TEX11: variants seen among roughly 807,000 people sequenced by gnomAD.
TEX11 encodes testis expressed 11, also known as testis-expressed protein 11.
Under a neutral mutation model 84.4 loss-of-function variants are expected in TEX11, and 7 were observed. The ratio of observed to expected loss-of-function variants is 0.08; its 90% CI spans 0.05 to 0.16. The LOEUF (loss-of-function observed/expected upper bound fraction) is 0.16, where lower values mean the gene tolerates loss of function less well. Ranked by LOEUF, TEX11 falls within the 10% of genes least tolerant of loss-of-function variation. The probability of loss-of-function intolerance (pLI) is 1.00; values close to 1 mark genes in which losing one functional copy is unlikely to be tolerated. For synonymous variants in TEX11, 264 were observed against 222.8 expected, an observed-to-expected ratio of 1.18 and a Z score of -1.64; for missense variants, 551 against 660.5, an observed-to-expected ratio of 0.83 and a Z score of 1.82.
At chrX:70,573,594 C>G (rs2088634497) in intron 25 of TEX11, among the ~76,000 whole-genome samples, 1 of 111,255 alleles carries the variant, frequency 9.0e-6, no homozygotes, top group Non-Finnish European at 1.9e-5. Context: ...ATCTCTGAGA[C>G]AAAAGTAATG....
At chrX:70,642,492 T>C (rs1451756155) in intron 17 of TEX11, among the ~76,000 whole-genome samples, 2 of 106,537 alleles carry the variant, frequency 1.9e-5, no homozygotes, top group Non-Finnish European at 1.9e-5. Context: ...ACCAATATCC[T>C]TGATGAACAT....
intron 25 of TEX11, among the ~76,000 whole-genome samples, chrX:70,576,845 G>A (rs1379067790): frequency 1.8e-5 from 2 of 112,174 alleles, no homozygotes; most frequent in African/African-American, 6.5e-5. Flanking sequence ...AAGGGGAGGA[G>A]CACACCCTGA....
chrX:70,792,813 C>A (rs908560991), intron 9 of TEX11, among the ~76,000 whole-genome samples: 6 of 110,778 alleles, frequency 5.4e-5, no homozygotes, highest in African/African-American at 2.0e-4. Flanking sequence ...AGAGGAGAGA[C>A]TCCTCCGTAA....
chrX:70,664,465 T>G (rs2089959235), intron 16 of TEX11, among the ~76,000 whole-genome samples: 1 of 111,823 alleles, frequency 8.9e-6, no homozygotes, highest in African/African-American at 3.2e-5. Flanking sequence ...CTTTTCAGCT[T>G]CACATCATAT....
chrX:70,759,434 T>C (rs762735989), intron 9 of TEX11, among the ~76,000 whole-genome samples: 1 of 111,841 alleles, frequency 8.9e-6, no homozygotes, highest in Admixed American at 9.5e-5. Context: ...CCAAGTCAGC[T>C]TCACCCCTGG....
At chrX:70,631,364 T>C (rs2089508336) in intron 17 of TEX11, among the ~76,000 whole-genome samples, 2 of 112,177 alleles carry the variant, frequency 1.8e-5, no homozygotes, top group African/African-American at 6.5e-5. Context: ...TCTGCAAATA[T>C]TTGGAAAATA....
At chrX:70,775,630 T>C (rs979775716) in intron 9 of TEX11, among the ~76,000 whole-genome samples, 3 of 107,811 alleles carry the variant, frequency 2.8e-5, no homozygotes, top group Non-Finnish European at 5.7e-5. Context: ...TGAAACCCCA[T>C]CTCTACTAAA....
chrX:70,730,856 T>C (rs1048819773), intron 11 of TEX11, among the ~76,000 whole-genome samples: 2 of 111,964 alleles, frequency 1.8e-5, no homozygotes, highest in African/African-American at 6.5e-5. Flanking sequence ...ATACATTCTT[T>C]TCTGCACCAC....
intron 28 of TEX11, among the ~76,000 whole-genome samples, chrX:70,549,429 C>T (rs1350341545): frequency 1.8e-5 from 2 of 111,477 alleles, no homozygotes; most frequent in African/African-American, 6.5e-5. Flanking sequence ...TAGATATCAA[C>T]TCAGCCACAG....
At position 70,558,622 on chromosome X, in the gene TEX11, A is replaced by G. The variant is rs916427496; in HGVS notation, c.2141-3822T>C. Among the ~76,000 whole-genome samples the G allele has an allele frequency of 7.1e-5, 8 of 112,150 alleles. No individual in the cohort carries two copies. The Admixed American group carries it at 7.6e-4, about 11-fold the overall frequency. ...GTATTTCAAAGGACATGATCAAGAA[A>G]GAGAAAAGACAATTGACAGAGTGGG... On this transcript the variant is annotated intron_variant, in intron 25 of 29. Coordinates refer to ENST00000374333, the MANE Select transcript of TEX11 (RefSeq NM_031276.3).
intron 9 of TEX11, among the ~76,000 whole-genome samples, chrX:70,747,591 AGG>A (rs2147752551): frequency 8.9e-6 from 1 of 111,909 alleles, no homozygotes; most frequent in South Asian, 3.7e-4. Context: ...ACTTCCTTTG[AGG>A]AGGCCCCAAT....
intron 17 of TEX11, among the ~76,000 whole-genome samples, chrX:70,643,661 G>A (rs1220292177): frequency 1.3e-3 from 124 of 96,589 alleles, no homozygotes; most frequent in African/African-American, 1.6e-3. Flanking sequence ...AGAAAAACAA[G>A]CAATGGGGAA....
chrX:70,589,459 T>C, intron 25 of TEX11, among the ~76,000 whole-genome samples: 1 of 111,298 alleles, frequency 9.0e-6, no homozygotes. Context: ...TATAGCCTAG[T>C]TGTATTCCTA....
chrX:70,665,572 A>T (rs1035088533), intron 16 of TEX11, among the ~76,000 whole-genome samples: 6 of 112,116 alleles, frequency 5.4e-5, no homozygotes, highest in Admixed American at 1.9e-4. Flanking sequence ...AATAGCAATT[A>T]AAAAATTTTT....
At chrX:70,834,488 G>C (rs1165934993) in intron 7 of TEX11, among the ~76,000 whole-genome samples, 1 of 111,448 alleles carries the variant, frequency 9.0e-6, no homozygotes, top group African/African-American at 3.3e-5. Context: ...AGGAGCAGTG[G>C]CTCACGCCTA....
intron 13 of TEX11, among the ~76,000 whole-genome samples, chrX:70,697,570 C>T (rs768105510): frequency 8.9e-6 from 1 of 112,252 alleles, no homozygotes; most frequent in South Asian, 3.8e-4. Flanking sequence ...GCTGATAAAA[C>T]TGCTAAAGAA....
intron 8 of TEX11, among the ~76,000 whole-genome samples, chrX:70,809,944 TA>T (rs1309425770): frequency 9.0e-6 from 1 of 111,610 alleles, no homozygotes; most frequent in African/African-American, 3.3e-5. Flanking sequence ...TACACACTGA[TA>T]AAAAAGAATT....
chrX:70,670,425 C>T lies in TEX11; in HGVS notation c.1332G>A (p.Leu444=). 1.7e-6 allele frequency: 2 copies of T among 1,210,365 alleles called. No individual in the cohort carries two copies. The highest frequency in any genetic ancestry group is 1.1e-6 in the Non-Finnish European group (1 of 894,892). ...GGTAACAGCAAGCCATGTTCCTCTG[C>T]AGCTTGGTGAAGTCCAGATCCATTT... ...TDEMDLDFTK[L]QRNMACCYLN... Residue 444 remains leucine, a synonymous_variant, in exon 16 of 30, where the codon CTG becomes CTA. Transcript: ENST00000374333.
chrX:70,585,445 C>T (rs2088841288), intron 25 of TEX11, among the ~76,000 whole-genome samples: 1 of 111,743 alleles, frequency 8.9e-6, no homozygotes, highest in Non-Finnish European at 1.9e-5. Context: ...AAACTTATAT[C>T]ACGCTAAGCG....
Sources: gnomAD v4.1 joint callset for allele counts (sites outside exome capture counted in the v4.1 genomes callset) on GRCh38, gnomAD v4.1.1 for gene constraint, MANE v1.5 for transcripts, NCBI Gene and HGNC (gene_info 2026-07-23, HGNC 2026-07-21) for gene names.